Variants in DPP10 observed in about 807,000 individuals in gnomAD.
DPP10 encodes dipeptidyl peptidase like 10, also known as inactive dipeptidyl peptidase 10.
DPP10 carries 33 observed loss-of-function variants against 120.9 expected under a neutral mutation model. The observed-to-expected ratio is 0.27, with a 90% CI of 0.21 to 0.37. The LOEUF (loss-of-function observed/expected upper bound fraction) is 0.37. Ranked by LOEUF, DPP10 falls within the 10% of genes least tolerant of loss-of-function variation. The pLI is 1.00. For missense variants in DPP10, 816 were observed against 942.8 expected (o/e 0.87, Z 1.76); for synonymous variants, 337 against 326.1 (o/e 1.03, Z -0.36).
At chr2:114,780,303 G>T (rs910905329) in intron 1 of DPP10, among the ~76,000 whole-genome samples, 10 of 152,066 alleles carry the variant, frequency 6.6e-5, no homozygotes, top group Non-Finnish European at 1.3e-4. Flanking sequence ...GCTTGGTTTT[G>T]AGAAAACAAG....
At chr2:115,167,826 T>G (rs2105029596) in intron 1 of DPP10, among the ~76,000 whole-genome samples, 1 of 152,292 alleles carries the variant, frequency 6.6e-6, no homozygotes, top group South Asian at 2.1e-4. Context: ...TTTCATTCAA[T>G]CAAAATTGAA....
At chr2:115,249,763 A>G (rs182800653) in intron 1 of DPP10, among the ~76,000 whole-genome samples, 17 of 152,256 alleles carry the variant, frequency 1.1e-4, no homozygotes, top group Admixed American at 7.9e-4. Flanking sequence ...AATGATGCCT[A>G]CTGTTAAGTA....
intron 1 of DPP10, among the ~76,000 whole-genome samples, chr2:114,587,036 G>A (rs1294467819): frequency 1.3e-5 from 2 of 152,038 alleles, no homozygotes; most frequent in African/African-American, 2.4e-5. Flanking sequence ...AGTGGCTTAT[G>A]CCTGTAATCC....
chr2:114,825,445 T>G (rs1335360248), intron 1 of DPP10, among the ~76,000 whole-genome samples: 1 of 152,158 alleles, frequency 6.6e-6, no homozygotes, highest in Non-Finnish European at 1.5e-5. Flanking sequence ...GGACCCAGGG[T>G]GTCCACCTGA....
chr2:115,162,038 G>C (rs1296946704), intron 1 of DPP10: 15 of 1,412,360 alleles, frequency 1.1e-5, no homozygotes, highest in South Asian at 1.6e-5. Context: ...GGTGAGAGTC[G>C]GCAGCCGCGG....
chr2:114,905,247 G>C (rs938904491), intron 1 of DPP10, among the ~76,000 whole-genome samples: 1 of 151,362 alleles, frequency 6.6e-6, no homozygotes, highest in Non-Finnish European at 1.5e-5. Flanking sequence ...ATTGTGTTGA[G>C]TAGACAAATT....
At position 115,688,575 on chromosome 2, in the gene DPP10, A is replaced by G. The variant is rs111860774; in HGVS notation, c.442-1112A>G. 2.2e-3 allele frequency among the ~76,000 whole-genome samples: 333 copies of G among 152,210 alleles called. 2 individuals carry two copies. The highest frequency in any genetic ancestry group is 3.8e-3 in the Admixed American group (58 of 15,260). ...TCACAATATAGCTAGCTAAAGAACAATTTTCTTCACTAGATTCACATAGCT... is the reference window on the plus strand; with the variant it reads ...TCACAATATAGCTAGCTAAAGAACAGTTTTCTTCACTAGATTCACATAGCT... On this transcript the variant is annotated intron_variant, in intron 5 of 25. Coordinates refer to ENST00000410059, the MANE Select transcript of DPP10 (RefSeq NM_020868.6).
chr2:115,438,060 G>T (rs2071660656), intron 3 of DPP10, among the ~76,000 whole-genome samples: 1 of 152,006 alleles, frequency 6.6e-6, no homozygotes, highest in Non-Finnish European at 1.5e-5. Context: ...AGATGGGCCT[G>T]TTAACGTGGA....
intron 1 of DPP10, among the ~76,000 whole-genome samples, chr2:114,949,165 C>T (rs147375568): frequency 0.014 from 2,185 of 152,214 alleles, 50 homozygotes; most frequent in African/African-American, 0.051. Flanking sequence ...CCTTGTGATG[C>T]ACCCGCCTCG....
At chr2:114,545,505 C>T (rs960175628) in intron 1 of DPP10, among the ~76,000 whole-genome samples, 4 of 152,192 alleles carry the variant, frequency 2.6e-5, no homozygotes, top group African/African-American at 9.7e-5. Context: ...TCATTGAGAT[C>T]AACATACAAT....
intron 10 of DPP10, among the ~76,000 whole-genome samples, chr2:115,752,805 G>T (rs144923482): frequency 3.7e-4 from 56 of 152,086 alleles, no homozygotes; most frequent in African/African-American, 1.1e-3. Flanking sequence ...TACTTGTTTT[G>T]CACTTAAAGG....
At chr2:114,826,158 G>C (rs747567649) in intron 1 of DPP10, among the ~76,000 whole-genome samples, 10 of 152,136 alleles carry the variant, frequency 6.6e-5, no homozygotes, top group Non-Finnish European at 4.4e-5. Context: ...GTAATGTATA[G>C]AGTAAAATGT....
intron 4 of DPP10, among the ~76,000 whole-genome samples, chr2:115,523,976 T>C (rs1217279416): frequency 6.6e-6 from 1 of 152,190 alleles, no homozygotes; most frequent in Non-Finnish European, 1.5e-5. Flanking sequence ...ATGCCTTATA[T>C]GTAGATTGTA....
At chr2:115,765,907 G>C (rs1680645606) in intron 12 of DPP10, among the ~76,000 whole-genome samples, 1 of 151,998 alleles carries the variant, frequency 6.6e-6, no homozygotes, top group South Asian at 2.1e-4. Flanking sequence ...ATATTTTCAT[G>C]AATGTTCATA....
chr2:115,002,231 C>G (rs535724228), intron 1 of DPP10, among the ~76,000 whole-genome samples: 24 of 152,062 alleles, frequency 1.6e-4, no homozygotes, highest in Admixed American at 1.2e-3. Flanking sequence ...CACCTACAAC[C>G]ATCAGATCTT....
intron 1 of DPP10, among the ~76,000 whole-genome samples, chr2:115,264,595 A>C (rs2059384866): frequency 6.6e-6 from 1 of 152,190 alleles, no homozygotes; most frequent in Admixed American, 6.5e-5. Context: ...CAATGTGGGG[A>C]AGGAAGGAAG....
chr2:114,774,937 A>T (rs1681594588), intron 1 of DPP10, among the ~76,000 whole-genome samples: 2 of 151,990 alleles, frequency 1.3e-5, no homozygotes, highest in South Asian at 4.2e-4. Flanking sequence ...TTCTCTAAGC[A>T]ATTCTTAGTG....
chr2:115,193,701 A>C (rs1347137764), intron 1 of DPP10, among the ~76,000 whole-genome samples: 1 of 152,212 alleles, frequency 6.6e-6, no homozygotes, highest in Non-Finnish European at 1.5e-5. Flanking sequence ...AAGTACTTTA[A>C]ATCTTGGCTG....
chr2:114,733,168 A>G (rs1334707801), intron 1 of DPP10, among the ~76,000 whole-genome samples: 3 of 152,210 alleles, frequency 2.0e-5, no homozygotes, highest in African/African-American at 7.2e-5. Context: ...GCTCAAGATC[A>G]TTACTAATTT....
Sources: gnomAD v4.1 joint callset for allele counts (sites outside exome capture counted in the v4.1 genomes callset) on GRCh38, gnomAD v4.1.1 for gene constraint, MANE v1.5 for transcripts, NCBI Gene and HGNC (gene_info 2026-07-23, HGNC 2026-07-21) for gene names.